C3orf33: variants seen among roughly 807,000 people sequenced by gnomAD.
C3orf33 encodes the protein AP-1 activity suppressor.
C3orf33 carries 23 observed loss-of-function variants against 28.7 expected under a neutral mutation model. That is an observed-to-expected ratio of 0.80 (90% CI 0.58 to 1.13). C3orf33 has a LOEUF of 1.13. Among genes scored for constraint, C3orf33 ranks in the 50% most tolerant of loss-of-function variants. C3orf33 has a pLI of 0.00. For missense variants in C3orf33, 327 were observed against 353.4 expected, an observed-to-expected ratio of 0.93 and a Z score of 0.60; for synonymous variants, 119 against 120.5, an observed-to-expected ratio of 0.99 and a Z score of 0.08.
chr3:155,784,812 T>G (rs924968002), intron 2 of C3orf33, among the ~76,000 whole-genome samples: 2 of 151,184 alleles, frequency 1.3e-5, no homozygotes, highest in East Asian at 3.9e-4. Flanking sequence ...ATGCAGGAAA[T>G]GAGGGACAAA....
chr3:155,788,697 G>GA (rs149681326), intron 2 of C3orf33, among the ~76,000 whole-genome samples: 3,807 of 149,702 alleles, frequency 0.025, 185 homozygotes, highest in African/African-American at 0.088. Flanking sequence ...AAAAAAGAAA[G>GA]AAAAAACCAT....
intron 1 of C3orf33, chr3:155,804,031 C>G (rs1751742808): frequency 4.3e-6 from 1 of 233,340 alleles, no homozygotes; most frequent in Non-Finnish European, 8.7e-6. Flanking sequence ...CAAAAATTAG[C>G]CAGGCTTGGT....
intron 2 of C3orf33, among the ~76,000 whole-genome samples, chr3:155,787,320 T>G (rs949363988): frequency 2.0e-5 from 3 of 148,492 alleles, no homozygotes; most frequent in African/African-American, 7.4e-5. Flanking sequence ...CACCTCAGCC[T>G]CCTGAGCAGC....
intron 3 of C3orf33, among the ~76,000 whole-genome samples, chr3:155,775,255 C>T (rs1009893376): frequency 3.9e-5 from 6 of 152,018 alleles, no homozygotes; most frequent in Non-Finnish European, 7.4e-5. Context: ...TTTTGGAGGC[C>T]GAGGTGGGCG....
intron 1 of C3orf33, chr3:155,805,657 A>G (rs1204159525): frequency 2.2e-6 from 1 of 454,902 alleles, no homozygotes; most frequent in South Asian, 1.6e-5. Flanking sequence ...AAGTGGGTGG[A>G]GCAGCAGCAG....
chr3:155,787,794 T>G (rs1429477461), intron 2 of C3orf33, among the ~76,000 whole-genome samples: 5 of 151,874 alleles, frequency 3.3e-5, no homozygotes, highest in Non-Finnish European at 5.9e-5. Context: ...GATTACAAGT[T>G]TAAGCCACCA....
At chr3:155,775,404 G>C (rs371767916) in intron 3 of C3orf33, among the ~76,000 whole-genome samples, 4 of 151,636 alleles carry the variant, frequency 2.6e-5, no homozygotes, top group African/African-American at 9.7e-5. Context: ...CAGGAGAATT[G>C]CTTGAACCTG....
chr3:155,792,490 G>A (rs1053013669), intron 2 of C3orf33, among the ~76,000 whole-genome samples: 8 of 151,940 alleles, frequency 5.3e-5, no homozygotes, highest in Admixed American at 3.3e-4. Flanking sequence ...AACTAAATAA[G>A]GTACCAGTCA....
At chr3:155,804,291 C>T in intron 1 of C3orf33, 2 of 303,154 alleles carry the variant, frequency 6.6e-6, no homozygotes, top group South Asian at 2.5e-5. Context: ...CAACTTCCTC[C>T]CATAATCCTT....
chr3:155,775,862 G>A lies in C3orf33; in HGVS notation c.175-14C>T, dbSNP rs774061033. The A allele has an allele frequency of 1.4e-5, 22 of 1,549,708 alleles. No individual in the cohort carries two copies. The Admixed American group carries it at 3.9e-4, about 27-fold the overall frequency. On this transcript the variant is annotated splice_polypyrimidine_tract_variant and intron_variant, in intron 2 of 4. Coordinates refer to ENST00000340171, the MANE Select transcript of C3orf33 (RefSeq NM_001308229.2). ...AAATTTTGATGTCTATTGATTTACA[G>A]GGAGAAAAATATAACCACTTATTAT...
chr3:155,764,629 G>A (rs575046901), intron 4 of C3orf33, among the ~76,000 whole-genome samples: 2 of 151,822 alleles, frequency 1.3e-5, no homozygotes, highest in Admixed American at 1.3e-4. Flanking sequence ...GAGGCGGGCA[G>A]ATCACAAGGT....
intron 2 of C3orf33, among the ~76,000 whole-genome samples, chr3:155,799,172 A>C (rs552532826): frequency 5.3e-5 from 8 of 152,348 alleles, no homozygotes; most frequent in African/African-American, 1.9e-4. Flanking sequence ...TGTTGGTGAA[A>C]AATGTAAATT....
At position 155,775,831 on chromosome 3, in the gene C3orf33, G is replaced by A. The variant is rs1212189708; in HGVS notation, c.192C>T (p.Ser64=). 1.3e-6 allele frequency: 2 copies of A among 1,590,376 alleles called. 1 individual carries two copies. Among genetic ancestry groups the A allele is most frequent in the South Asian group, 2.3e-5 (2 of 88,258 alleles). ...RSIRLTSKFT[S]SSDIPVEFIR... is the part of the protein sequence containing the mutation. The stretch of plus-strand genomic sequence containing the variant: ...TAAATTCTACTGGAATATCCGAAGA[G>A]CTTGTAAATTTTGATGTCTATTGAT... The change falls in exon 3 of 5, where the codon AGC becomes AGT. Residue 64 remains serine, a synonymous_variant. Coordinates refer to ENST00000340171, the MANE Select transcript of C3orf33 (RefSeq NM_001308229.2).
intron 3 of C3orf33, among the ~76,000 whole-genome samples, chr3:155,771,713 T>G (rs79519433): frequency 0.01 from 1,567 of 152,370 alleles, 27 homozygotes; most frequent in African/African-American, 0.035. Flanking sequence ...TTCTAATCTA[T>G]GAATTTTTTA....
rs533417276 is a variant in C3orf33, at chr3:155,800,326, G to A, written c.174+2206C>T. Among the ~76,000 whole-genome samples, 3 of 152,124 alleles carry A rather than the reference G, an allele frequency of 2.0e-5. No homozygotes were observed. The East Asian group carries it at 5.8e-4, about 29-fold the overall frequency. Reference sequence around the variant, plus strand: ...ATTAGAAAAAGTAAACACATAGGTGGGGTGCAGTGGCTCATGTCTGTAATC... The same window carrying A: ...ATTAGAAAAAGTAAACACATAGGTGAGGTGCAGTGGCTCATGTCTGTAATC... On this transcript the variant is annotated intron_variant, in intron 2 of 4. Transcript: ENST00000340171.
At chr3:155,776,592 T>C (rs1021545799) in intron 2 of C3orf33, among the ~76,000 whole-genome samples, 7 of 151,744 alleles carry the variant, frequency 4.6e-5, no homozygotes, top group African/African-American at 1.7e-4. Flanking sequence ...GAGACCAGCC[T>C]GGGCAACAAT....
At chr3:155,767,920 C>T (rs899248346) in intron 3 of C3orf33, among the ~76,000 whole-genome samples, 5 of 152,030 alleles carry the variant, frequency 3.3e-5, no homozygotes, top group African/African-American at 1.2e-4. Flanking sequence ...CACTCTGTCA[C>T]CTAGGCTGGA....
In C3orf33 at chr3:155,806,080, C is replaced by T. The variant is rs1751801022; in HGVS notation, c.114+59G>A. 4.1e-6 allele frequency: 5 copies of T among 1,214,690 alleles called. No individual in the cohort carries two copies. The Admixed American group carries it at 1.5e-4, about 36-fold the overall frequency. 75.2% of individuals were successfully genotyped at this position (1,214,690 alleles called of 1,614,324 possible). On this transcript the variant is annotated intron_variant, in intron 1 of 4. Transcript: ENST00000340171. ...CACGCCTGAGGCCTCACGTTGTTCT[C>T]AGGGTCGCTCTGTGCCGCCCCGCGC...
chr3:155,786,550 G>A (rs951615287), intron 2 of C3orf33, among the ~76,000 whole-genome samples: 4 of 152,094 alleles, frequency 2.6e-5, no homozygotes, highest in African/African-American at 9.7e-5. Context: ...AACCAGGCCA[G>A]GCACAGTGGC....
Sources: allele counts gnomAD v4.1 joint callset (sites outside exome capture counted in the v4.1 genomes callset), GRCh38; gene constraint gnomAD v4.1.1; transcripts MANE v1.5; gene names NCBI Gene and HGNC (gene_info 2026-07-23, HGNC 2026-07-21).